Variants in SNX2 observed in about 807,000 individuals in gnomAD.
SNX2 encodes the protein sorting nexin-2.
SNX2 carries 25 observed loss-of-function variants against 69.9 expected under a neutral mutation model. The observed-to-expected ratio is 0.36, with a 90% CI of 0.26 to 0.50. The LOEUF is 0.50. Ranked by LOEUF, SNX2 falls within the 20% of genes least tolerant of loss-of-function variation. The pLI, the probability that SNX2 is intolerant of heterozygous loss-of-function variation, is 0.97. For synonymous variants in SNX2, 229 were observed against 200.4 expected (o/e 1.14, Z -1.20); for missense variants, 551 against 613.3 (o/e 0.90, Z 1.07).
chr5:122,776,963 A>C (rs988236089), intron 1 of SNX2, among the ~76,000 whole-genome samples: 1 of 152,224 alleles, frequency 6.6e-6, no homozygotes, highest in Non-Finnish European at 1.5e-5. Context: ...TATTCATCTC[A>C]GCACCTTATT....
intron 1 of SNX2, among the ~76,000 whole-genome samples, chr5:122,782,624 C>T (rs972489833): frequency 1.3e-5 from 2 of 152,048 alleles, no homozygotes; most frequent in African/African-American, 4.8e-5. Context: ...GCAACCTCCA[C>T]CTCCCCAGTT....
In SNX2 at chr5:122,777,336, T is replaced by A. The variant is rs1752878627; in HGVS notation, c.108+2125T>A. Among the ~76,000 whole-genome samples the A allele has an allele frequency of 1.3e-5, 2 of 152,206 alleles. 1 individual carries two copies. The highest frequency in any genetic ancestry group is 4.1e-4 in the South Asian group (2 of 4,832). On this transcript the variant is annotated intron_variant, in intron 1 of 14. Coordinates refer to ENST00000379516, the MANE Select transcript of SNX2 (RefSeq NM_003100.4). ...ACTGGGTAGAACCCAGTATTCTGCA[T>A]TTTTAACACGCTTTCCTGATATCAG...
chr5:122,830,175 A>G lies in SNX2; in HGVS notation c.*527A>G, dbSNP rs1292756753. On this transcript the variant is annotated 3_prime_UTR_variant, in exon 15 of 15. Transcript: ENST00000379516. ...TTTTCAAAGCATTTTTAATAGGAAG[A>G]AATTTTTCTTCTAGATGTATATAGG... is the stretch of plus-strand genomic sequence containing the variant. 2 of 153,786 alleles carry G rather than the reference A, an allele frequency of 1.3e-5. No individual in the cohort carries two copies. The highest frequency in any genetic ancestry group is 4.8e-5 in the African/African-American group (2 of 41,460). The allele number at this position is 153,786 out of a possible 1,614,324, so 9.5% of individuals were successfully genotyped here.
intron 1 of SNX2, among the ~76,000 whole-genome samples, chr5:122,778,440 G>A (rs998092539): frequency 2.6e-5 from 4 of 152,138 alleles, no homozygotes; most frequent in Non-Finnish European, 5.9e-5. Flanking sequence ...CCCATCAGCA[G>A]CAGTGTATAA....
At chr5:122,822,833 AT>A (rs972203617) in intron 11 of SNX2, among the ~76,000 whole-genome samples, 1 of 152,166 alleles carries the variant, frequency 6.6e-6, no homozygotes, top group Non-Finnish European at 1.5e-5. Flanking sequence ...TTCATAAATA[AT>A]TTTTGTAGGG....
At chr5:122,800,521 A>C in intron 3 of SNX2, among the ~76,000 whole-genome samples, 1 of 152,330 alleles carries the variant, frequency 6.6e-6, no homozygotes, top group South Asian at 2.1e-4. Context: ...AGATAAAAGT[A>C]AAGTACAGGG....
chr5:122,781,864 G>T (rs1424217313), intron 1 of SNX2, among the ~76,000 whole-genome samples: 1 of 151,828 alleles, frequency 6.6e-6, no homozygotes. Flanking sequence ...TTTTATTAAT[G>T]TTATAAATAT....
At chr5:122,784,011 G>C (rs1300550762) in intron 1 of SNX2, among the ~76,000 whole-genome samples, 1 of 151,852 alleles carries the variant, frequency 6.6e-6, no homozygotes, top group East Asian at 1.9e-4. Context: ...TGTATGCTGA[G>C]TATTTCATAG....
At chr5:122,790,624 TAGTA>T (rs1305695441) in intron 1 of SNX2, among the ~76,000 whole-genome samples, 1 of 152,130 alleles carries the variant, frequency 6.6e-6, no homozygotes, top group Non-Finnish European at 1.5e-5. Context: ...GGGAGGAAGA[TAGTA>T]AGACAGTTCA....
intron 1 of SNX2, among the ~76,000 whole-genome samples, chr5:122,777,656 A>T (rs919858567): frequency 1.3e-5 from 2 of 152,224 alleles, no homozygotes; most frequent in Non-Finnish European, 2.9e-5. Flanking sequence ...TGTAATGCCT[A>T]TGCATTACTA....
intron 11 of SNX2, among the ~76,000 whole-genome samples, chr5:122,819,711 T>C (rs962242546): frequency 2.6e-5 from 4 of 152,236 alleles, no homozygotes; most frequent in African/African-American, 9.6e-5. Context: ...ATTTTTGTTA[T>C]GGATATTAGT....
intron 7 of SNX2, among the ~76,000 whole-genome samples, chr5:122,814,425 T>G (rs759567669): frequency 3.3e-5 from 5 of 152,340 alleles, no homozygotes; most frequent in South Asian, 2.1e-4. Flanking sequence ...GCTCTGGTTC[T>G]AGTATAATGA....
rs1292330330 is a variant in SNX2, at chr5:122,826,098, C to G, written c.1261C>G (p.Gln421Glu). The change falls in exon 12 of 15, where the codon CAA becomes GAA. Residue 421 changes from glutamine (Q) to glutamate (E), a missense_variant. Around this residue, in one of 2 missense-constraint regions of SNX2, gnomAD observed 360 missense variants for 450.4 expected, o/e 0.80. Coordinates refer to ENST00000379516, the MANE Select transcript of SNX2 (RefSeq NM_003100.4). ...MKCWQKWEDA[Q>E]ITLLKKREAE... ...GTGCTGGCAGAAATGGGAAGATGCT[C>G]AAATTACTTTGCTCAAAAAACGTGA... The G allele has an allele frequency of 1.2e-6, 2 of 1,612,968 alleles. No individual in the cohort carries two copies. The highest frequency in any genetic ancestry group is 1.3e-5 in the African/African-American group (1 of 74,858).
chr5:122,790,494 C>T (rs1020778389), intron 1 of SNX2, among the ~76,000 whole-genome samples: 20 of 152,146 alleles, frequency 1.3e-4, no homozygotes, highest in African/African-American at 4.8e-4. Flanking sequence ...CGTGACCTCT[C>T]TATAGACTGC....
rs1228046187 is a variant in SNX2, at chr5:122,827,585, T to C, written c.1448T>C (p.Val483Ala). 2 of 1,612,942 alleles carry C rather than the reference T, an allele frequency of 1.2e-6. No individual in the cohort carries two copies. Among genetic ancestry groups the C allele is most frequent in the Non-Finnish European group, 1.7e-6 (2 of 1,179,184 alleles). Residue 483 changes from valine (V) to alanine (A), a missense_variant, in exon 14 of 15, where the codon GTG (valine) becomes GCG (alanine). Around this residue, in one of 2 missense-constraint regions of SNX2, gnomAD observed 360 missense variants for 450.4 expected, o/e 0.80. Coordinates refer to ENST00000379516, the MANE Select transcript of SNX2 (RefSeq NM_003100.4). ...KEVGRFEKER[V>A]KDFKTVIIKY... ...AATGTACTTCAACAGAAAGAACGAG[T>C]GAAGGATTTTAAAACCGTTATCATC...
At position 122,795,394 on chromosome 5, in the gene SNX2, TG is replaced by T; in HGVS notation, c.226+12del. Reference sequence around the variant, plus strand: ...AAGATCTTTTTGCAGGTAATTGTCATGTATTTATTTTTTAATAATGGTCAAT... The same window carrying T: ...AAGATCTTTTTGCAGGTAATTGTCATTATTTATTTTTTAATAATGGTCAAT... On this transcript the variant is annotated intron_variant, in intron 2 of 14. Transcript: ENST00000379516. 1.3e-6 allele frequency: 2 copies of T among 1,532,670 alleles called. No individual in the cohort carries two copies. Among genetic ancestry groups the T allele is most frequent in the Non-Finnish European group, 1.8e-6 (2 of 1,110,422 alleles). 94.9% of individuals were successfully genotyped at this position (1,532,670 alleles called of 1,614,324 possible). A position where few individuals can be genotyped will look rare whatever the true frequency, so the allele number is the denominator to read the frequency against.
chr5:122,786,433 TTA>T (rs1327689748), intron 1 of SNX2, among the ~76,000 whole-genome samples: 1 of 152,156 alleles, frequency 6.6e-6, no homozygotes, highest in Admixed American at 6.5e-5. Flanking sequence ...GTGGATTACT[TTA>T]TGTTTATTAG....
rs60199625 is a variant in SNX2, at chr5:122,789,474, GACAC to G, written c.109-5765_109-5762del. On this transcript the variant is annotated intron_variant, in intron 1 of 14. Transcript: ENST00000379516. ...ACACACACACACACAGACACACACG[GACAC>G]ACACACACACACACACACACACACA... Among the ~76,000 whole-genome samples, 1,267 of 144,672 alleles carry G rather than the reference GACAC, an allele frequency of 8.8e-3. 19 individuals carry two copies. The highest frequency in any genetic ancestry group is 0.028 in the African/African-American group (1,116 of 39,324). The allele number at this position is 144,672 out of a possible 152,430, so 94.9% of individuals were successfully genotyped here.
At position 122,793,745 on chromosome 5, in the gene SNX2, C is replaced by CTAAAAATACAAAA. The variant is rs1401842488; in HGVS notation, c.109-1520_109-1508dup. ...GCCAACATGGTGAACCCCATCTCTA[C>CTAAAAATACAAAA]TAAAAATACAAAAAAAAATTAGCTG... On this transcript the variant is annotated intron_variant, in intron 1 of 14. Transcript: ENST00000379516. 2.7e-5 allele frequency among the ~76,000 whole-genome samples: 4 copies of CTAAAAATACAAAA among 149,996 alleles called. No individual in the cohort carries two copies. In the East Asian group the frequency reaches 8.0e-4, roughly 30 times the overall value.
Sources: allele counts gnomAD v4.1 joint callset (sites outside exome capture counted in the v4.1 genomes callset), GRCh38; gene constraint gnomAD v4.1.1; regional missense constraint gnomAD v4.1.1; transcripts MANE v1.5; gene names NCBI Gene and HGNC (gene_info 2026-07-23, HGNC 2026-07-21).